The following PSD3 variants were observed in gnomAD, a reference collection of about 807,000 sequenced individuals.
PSD3 encodes PH and SEC7 domain-containing protein 3.
Under a neutral mutation model 105.5 loss-of-function variants are expected in PSD3, and 49 were observed. The ratio of observed to expected loss-of-function variants is 0.46; its 90% CI spans 0.37 to 0.59. PSD3 has a LOEUF of 0.59. PSD3 is among the 20% of genes least tolerant of loss of function. The pLI is 0.00. For missense variants in PSD3, 1,561 were observed against 1,263.8 expected, an observed-to-expected ratio of 1.24 and a Z score of -3.57; for synonymous variants, 557 against 457.8, an observed-to-expected ratio of 1.22 and a Z score of -2.77.
chr8:19,082,904 G>T (rs1157214361), intron 1 of PSD3, among the ~76,000 whole-genome samples: 1 of 152,208 alleles, frequency 6.6e-6, no homozygotes, highest in Non-Finnish European at 1.5e-5. Flanking sequence ...TCCTCCAAGA[G>T]CGCTACTCTG....
chr8:18,658,662 A>G (rs764765003), intron 9 of PSD3, among the ~76,000 whole-genome samples: 1 of 151,810 alleles, frequency 6.6e-6, no homozygotes. Context: ...AGCTGTGGTT[A>G]CACCTATATA....
rs114082028 is a variant in PSD3, at chr8:18,610,877, C to T, written c.2411-10443G>A. On this transcript the variant is annotated intron_variant, in intron 11 of 15. Coordinates refer to ENST00000327040, the MANE Select transcript of PSD3 (RefSeq NM_015310.4). Reference sequence around the variant, plus strand: ...GCTAGGCACTTAGATTTTATTCACACCATGATGCCCACTATTTCTCCGCTT... The same window carrying T: ...GCTAGGCACTTAGATTTTATTCACATCATGATGCCCACTATTTCTCCGCTT... 7.4e-3 allele frequency among the ~76,000 whole-genome samples: 1,126 copies of T among 152,234 alleles called. 11 individuals carry two copies. Among genetic ancestry groups the T allele is most frequent in the African/African-American group, 0.026 (1,086 of 41,532 alleles).
intron 4 of PSD3, among the ~76,000 whole-genome samples, chr8:18,834,948 A>T (rs894096438): frequency 2.6e-5 from 4 of 152,230 alleles, no homozygotes; most frequent in African/African-American, 9.6e-5. Flanking sequence ...AAAAAGGGTA[A>T]GCAGATAAGA....
intron 15 of PSD3, among the ~76,000 whole-genome samples, chr8:18,545,788 CAG>C (rs1800419612): frequency 6.6e-6 from 1 of 152,130 alleles, no homozygotes; most frequent in South Asian, 2.1e-4. Context: ...AGCACATTCC[CAG>C]AGTTCTCCAT....
At chr8:19,039,621 C>T (rs1013992542) in intron 1 of PSD3, among the ~76,000 whole-genome samples, 3 of 152,180 alleles carry the variant, frequency 2.0e-5, no homozygotes, top group Non-Finnish European at 4.4e-5. Context: ...TCCCTCCCAA[C>T]CCTTCACACC....
intron 2 of PSD3, among the ~76,000 whole-genome samples, chr8:18,919,698 T>C (rs1466997367): frequency 1.3e-5 from 2 of 151,890 alleles, no homozygotes; most frequent in Admixed American, 1.3e-4. Flanking sequence ...GCGCCATTTG[T>C]AGGGACATGG....
At chr8:18,855,399 GAC>G (rs2129453395) in intron 4 of PSD3, among the ~76,000 whole-genome samples, 1 of 152,146 alleles carries the variant, frequency 6.6e-6, no homozygotes, top group African/African-American at 2.4e-5. Flanking sequence ...GACATAATAT[GAC>G]AGTCAAAATG....
At position 18,842,124 on chromosome 8, in the gene PSD3, C is replaced by T. The variant is rs117727467; in HGVS notation, c.1634+25550G>A. Among the ~76,000 whole-genome samples, 282 of 152,318 alleles carry T rather than the reference C, an allele frequency of 1.9e-3. 5 individuals carry two copies. The South Asian group carries it at 0.029, about 16-fold the overall frequency. Reference sequence around the variant, plus strand: ...AATACCAAGAAGCAAAAAGTACCTACTGCTGGGTCCATAATGAGCCTGGCA... The same window carrying T: ...AATACCAAGAAGCAAAAAGTACCTATTGCTGGGTCCATAATGAGCCTGGCA... On this transcript the variant is annotated intron_variant, in intron 4 of 15. Transcript: ENST00000327040.
intron 4 of PSD3, among the ~76,000 whole-genome samples, chr8:18,808,220 G>A (rs1811370431): frequency 6.6e-6 from 1 of 152,122 alleles, no homozygotes; most frequent in Admixed American, 6.5e-5. Flanking sequence ...GTTTCCATGT[G>A]TGCTTTTCCT....
At chr8:18,798,714 G>T (rs2632852) in intron 8 of PSD3, among the ~76,000 whole-genome samples, 30,855 of 152,040 alleles carry the variant, frequency 0.2, 3,659 homozygotes, top group East Asian at 0.35. Context: ...ATTTTAAAGA[G>T]TATTATGAAG....
intron 9 of PSD3, among the ~76,000 whole-genome samples, chr8:18,722,984 T>G (rs1482651380): frequency 6.6e-6 from 1 of 152,218 alleles, no homozygotes; most frequent in Non-Finnish European, 1.5e-5. Flanking sequence ...TTTAAACCAT[T>G]AAGATGAAGA....
At chr8:18,652,592 G>T (rs1435299113) in intron 10 of PSD3, among the ~76,000 whole-genome samples, 1 of 144,716 alleles carries the variant, frequency 6.9e-6, no homozygotes, top group Non-Finnish European at 1.5e-5. Context: ...CTGTTTCTTG[G>T]GTTCAAGCAA....
intron 8 of PSD3, among the ~76,000 whole-genome samples, chr8:18,792,573 G>C (rs1414785393): frequency 6.6e-6 from 1 of 152,186 alleles, no homozygotes; most frequent in Non-Finnish European, 1.5e-5. Context: ...AGGGTGGAGG[G>C]TGGGAGGAGT....
chr8:18,790,860 T>C (rs780264758), intron 8 of PSD3, among the ~76,000 whole-genome samples: 3 of 151,484 alleles, frequency 2.0e-5, no homozygotes, highest in East Asian at 3.9e-4. Flanking sequence ...CTCAAGGTGA[T>C]AAGCAACCTT....
chr8:18,661,359 G>C (rs900376714), intron 9 of PSD3, among the ~76,000 whole-genome samples: 1 of 152,160 alleles, frequency 6.6e-6, no homozygotes, highest in African/African-American at 2.4e-5. Flanking sequence ...AGATCAAGCA[G>C]ACTGTTAAGT....
At chr8:18,572,802 T>C (rs966739380) in intron 13 of PSD3, 130 bp from the exon 14 acceptor site, 2 of 1,021,252 alleles carry the variant, frequency 2.0e-6, no homozygotes, top group Non-Finnish European at 2.9e-6. Context: ...AACTAATCCC[T>C]GACAAAACTT....
At chr8:18,621,159 G>A (rs1345594300) in intron 11 of PSD3, among the ~76,000 whole-genome samples, 1 of 152,176 alleles carries the variant, frequency 6.6e-6, no homozygotes, top group Non-Finnish European at 1.5e-5. Flanking sequence ...TGCAATCCCA[G>A]CACTTCGGGA....
intron 9 of PSD3, chr8:18,734,352 T>C (rs1803992529): frequency 6.6e-6 from 1 of 152,196 alleles, no homozygotes; most frequent in Admixed American, 6.5e-5. Flanking sequence ...ATCTAATAAA[T>C]ATAAACTGTG....
At chr8:18,827,769 G>C (rs1439866311) in intron 4 of PSD3, among the ~76,000 whole-genome samples, 1 of 151,608 alleles carries the variant, frequency 6.6e-6, no homozygotes, top group South Asian at 2.1e-4. Context: ...AGTAAAACCG[G>C]TTGAATTTGA....
Sources: gnomAD v4.1 joint callset for allele counts (sites outside exome capture counted in the v4.1 genomes callset) on GRCh38, gnomAD v4.1.1 for gene constraint, MANE v1.5 for transcripts, NCBI Gene and HGNC (gene_info 2026-07-23, HGNC 2026-07-21) for gene names.